CACNA1A: variants seen among roughly 807,000 people sequenced by gnomAD.
CACNA1A encodes the protein voltage-dependent P/Q-type calcium channel subunit alpha-1A.
Under a neutral mutation model 262.4 loss-of-function variants are expected in CACNA1A, and 57 were observed. The observed-to-expected ratio is 0.22, with a 90% CI of 0.18 to 0.27. The LOEUF is 0.27. Ranked by LOEUF, CACNA1A falls within the 10% of genes least tolerant of loss-of-function variation. CACNA1A has a pLI of 1.00. For missense variants in CACNA1A, 2,526 were observed against 3,562.8 expected, an observed-to-expected ratio of 0.71 and a Z score of 7.41; for synonymous variants, 1,431 against 1,419.3, an observed-to-expected ratio of 1.01 and a Z score of -0.18.
chr19:13,221,093 G>A (rs1400491523), intron 38 of CACNA1A, among the ~76,000 whole-genome samples: 2 of 150,152 alleles, frequency 1.3e-5, no homozygotes, highest in Non-Finnish European at 3.0e-5. Flanking sequence ...TATGTCTCGA[G>A]GCTCAGTCTT....
intron 3 of CACNA1A, among the ~76,000 whole-genome samples, chr19:13,421,953 G>C (rs1372632078): frequency 6.6e-6 from 1 of 152,170 alleles, no homozygotes; most frequent in African/African-American, 2.4e-5. Flanking sequence ...AAGAAGAAGA[G>C]TATTTCAAAA....
chr19:13,433,460 C>CAAAAAACAAAAAAAAAAAAAAAAAA (rs2060554589), intron 3 of CACNA1A, among the ~76,000 whole-genome samples: 1 of 76,230 alleles, frequency 1.3e-5, no homozygotes. Flanking sequence ...GACGCTGTCT[C>CAAAAAACAAAAAAAAAAAAAAAAAA]AAAAAAAAAA....
intron 6 of CACNA1A, among the ~76,000 whole-genome samples, chr19:13,358,684 C>A (rs1316403864): frequency 6.6e-6 from 1 of 152,180 alleles, no homozygotes; most frequent in Non-Finnish European, 1.5e-5. Context: ...GGCAGGGATA[C>A]ATCTTTCCAG....
At chr19:13,366,380 G>A (rs2059211902) in intron 4 of CACNA1A, 1 of 152,134 alleles carries the variant, frequency 6.6e-6, no homozygotes, top group Non-Finnish European at 1.5e-5. Context: ...TGAGGCAGGA[G>A]GATCGTTAAG....
intron 19 of CACNA1A, among the ~76,000 whole-genome samples, chr19:13,297,642 C>T (rs1459188563): frequency 6.6e-6 from 1 of 152,150 alleles, no homozygotes; most frequent in Non-Finnish European, 1.5e-5. Flanking sequence ...GAAACCCTGT[C>T]TCTACAAAAC....
At chr19:13,351,233 A>G (rs2058902728) in intron 6 of CACNA1A, among the ~76,000 whole-genome samples, 2 of 152,210 alleles carry the variant, frequency 1.3e-5, no homozygotes, top group African/African-American at 4.8e-5. Context: ...CTCCTGGGGC[A>G]GTGGGGAGTG....
At chr19:13,338,998 TG>T (rs1386412223) in intron 6 of CACNA1A, among the ~76,000 whole-genome samples, 1 of 152,120 alleles carries the variant, frequency 6.6e-6, no homozygotes, top group African/African-American at 2.4e-5. Context: ...CCTGAGTAGT[TG>T]GGATTACAGG....
At chr19:13,366,829 C>T (rs1042639330) in intron 4 of CACNA1A, among the ~76,000 whole-genome samples, 4 of 152,048 alleles carry the variant, frequency 2.6e-5, no homozygotes, top group South Asian at 2.1e-4. Flanking sequence ...GGTAGGAAAG[C>T]GGTTGGCGGT....
At position 13,212,301 on chromosome 19, in the gene CACNA1A, G is replaced by T; in HGVS notation, c.6189+83C>A. The T allele has an allele frequency of 1.3e-6, 2 of 1,563,964 alleles. No individual in the cohort carries two copies. The highest frequency in any genetic ancestry group is 1.7e-5 in the Admixed American group (1 of 58,326). On this transcript the variant is annotated intron_variant, in intron 42 of 46. Transcript: ENST00000360228. The surrounding 1 kb of genome is among the most constrained non-coding windows in gnomAD (Gnocchi z 5.6). ...TCTGCAGAGGGAGGGAGCTGCAGGT[G>T]TGTGTGTGTGGGGGGCCCAGATCCC... is the stretch of plus-strand genomic sequence containing the variant.
intron 31 of CACNA1A, 55 bp from the exon 32 acceptor site, chr19:13,235,785 C>T: frequency 7.8e-7 from 1 of 1,274,746 alleles, no homozygotes; most frequent in Non-Finnish European, 1.1e-6. Flanking sequence ...AGGCTCAGAG[C>T]TGTCACCACT....
intron 6 of CACNA1A, among the ~76,000 whole-genome samples, chr19:13,343,007 A>C (rs1463591484): frequency 2.6e-5 from 4 of 152,162 alleles, no homozygotes; most frequent in Non-Finnish European, 5.9e-5. Flanking sequence ...CTCCTGCTTC[A>C]GCCTCCCAAA....
At chr19:13,349,334 C>T (rs2058860207) in intron 6 of CACNA1A, among the ~76,000 whole-genome samples, 1 of 152,222 alleles carries the variant, frequency 6.6e-6, no homozygotes, top group Non-Finnish European at 1.5e-5. Context: ...GGTCCCCAGC[C>T]CCTCCACATC....
At position 13,458,428 on chromosome 19, in the gene CACNA1A, G is replaced by A. The variant is rs564469336; in HGVS notation, c.294-3216C>T. On this transcript the variant is annotated intron_variant, in intron 1 of 46. Coordinates refer to ENST00000360228, the MANE Select transcript of CACNA1A (RefSeq NM_001127222.2). Reference sequence around the variant, plus strand: ...AGCCTCCCAAAGTGCGGGGATTACAGGCATGAGCCACTGTGCCCAGCCCTA... The same window carrying A: ...AGCCTCCCAAAGTGCGGGGATTACAAGCATGAGCCACTGTGCCCAGCCCTA... Among the ~76,000 whole-genome samples the A allele has an allele frequency of 1.5e-4, 23 of 152,134 alleles. 1 individual carries two copies. The highest frequency in any genetic ancestry group is 3.4e-3 in the Middle Eastern group (1 of 294).
intron 10 of CACNA1A, among the ~76,000 whole-genome samples, chr19:13,321,939 C>T (rs988817866): frequency 5.9e-5 from 9 of 152,078 alleles, no homozygotes; most frequent in African/African-American, 1.9e-4. Context: ...GCGGTGGGCT[C>T]GTGCCCGTAA....
chr19:13,387,076 C>T (rs907584740), intron 3 of CACNA1A, among the ~76,000 whole-genome samples: 2 of 151,928 alleles, frequency 1.3e-5, no homozygotes, highest in African/African-American at 2.4e-5. Flanking sequence ...CTCAGCCTCC[C>T]GAGTAGCTGG....
At chr19:13,378,284 G>GT (rs1043100769) in intron 3 of CACNA1A, among the ~76,000 whole-genome samples, 1 of 152,166 alleles carries the variant, frequency 6.6e-6, no homozygotes, top group African/African-American at 2.4e-5. Context: ...TCTACTCCTG[G>GT]TGAAAATTCT....
intron 1 of CACNA1A, among the ~76,000 whole-genome samples, chr19:13,502,534 TC>T (rs1982513078): frequency 6.6e-6 from 1 of 152,136 alleles, no homozygotes; most frequent in South Asian, 2.1e-4. Flanking sequence ...TCTTCGGCAA[TC>T]ATCAGAGACC....
intron 3 of CACNA1A, among the ~76,000 whole-genome samples, chr19:13,385,846 G>C (rs964573362): frequency 4.6e-5 from 7 of 152,046 alleles, no homozygotes; most frequent in Admixed American, 4.6e-4. Context: ...TTCTAGAAGA[G>C]GTGGAAGGCT....
chr19:13,261,702 A>T lies in CACNA1A; in HGVS notation c.4090-92T>A, dbSNP rs1296079825. ...CCCATCATACCAAAATACTGCCATG[A>T]TCATTCCCATTTTACAGGCAAGGTC... is the stretch of plus-strand genomic sequence containing the variant. On this transcript the variant is annotated intron_variant, in intron 25 of 46. Coordinates refer to ENST00000360228, the MANE Select transcript of CACNA1A (RefSeq NM_001127222.2). 28 of 1,254,950 alleles carry T rather than the reference A, an allele frequency of 2.2e-5. No individual in the cohort carries two copies. In the Middle Eastern group the frequency reaches 1.0e-3, roughly 45 times the overall value. The allele number at this position is 1,254,950 out of a possible 1,614,324, so 77.7% of individuals were successfully genotyped here. A position where few individuals can be genotyped will look rare whatever the true frequency, so the allele number is the denominator to read the frequency against.
Sources: gnomAD v4.1 joint callset for allele counts (sites outside exome capture counted in the v4.1 genomes callset) on GRCh38, gnomAD v4.1.1 for gene constraint, Gnocchi (gnomAD v3.1) non-coding constraint, MANE v1.5 for transcripts, NCBI Gene and HGNC (gene_info 2026-07-23, HGNC 2026-07-21) for gene names.